Variants in NGEF observed in about 807,000 individuals in gnomAD.
NGEF encodes ephexin-1.
NGEF carries 31 observed loss-of-function variants against 80.9 expected under a neutral mutation model. That is an observed-to-expected ratio of 0.38 (90% CI 0.29 to 0.52). NGEF has a LOEUF of 0.52. Among genes scored for constraint, NGEF ranks in the 20% least tolerant of loss-of-function variants. The pLI, the probability that NGEF is intolerant of heterozygous loss-of-function variation, is 0.84. For missense variants in NGEF, 709 were observed against 926.2 expected, an observed-to-expected ratio of 0.77 and a Z score of 3.04; for synonymous variants, 371 against 370.2, an observed-to-expected ratio of 1.00 and a Z score of -0.03.
At chr2:232,886,861 T>G (rs985288019) in intron 9 of NGEF, among the ~76,000 whole-genome samples, 2 of 152,086 alleles carry the variant, frequency 1.3e-5, no homozygotes, top group Non-Finnish European at 2.9e-5. Context: ...CTTCCAGAGG[T>G]GGGCATGGGC....
Position 232,879,535 on chromosome 2 carries a change from C to T in NGEF, c.2087G>A (p.Ser696Asn). ...RVHKMDDPQR[S>N]QNKDRRKLGS... ...CAGCTTCCTGCGGTCCTTGTTCTGG[C>T]TGCGCTGAGGGTCATCCATCTTGTG... The change falls in exon 15 of 15, where the codon AGC becomes AAC. Residue 696 changes from serine to asparagine, a missense_variant. Transcript: ENST00000264051. 1 of 1,612,954 alleles carries T rather than the reference C, an allele frequency of 6.2e-7. No individual in the cohort carries two copies. Among genetic ancestry groups the T allele is most frequent in the Non-Finnish European group, 8.5e-7 (1 of 1,179,370 alleles).
At chr2:232,928,422 A>T (rs2106285695) in intron 3 of NGEF, among the ~76,000 whole-genome samples, 1 of 151,478 alleles carries the variant, frequency 6.6e-6, no homozygotes, top group Admixed American at 6.6e-5. Context: ...CCCACTCCTC[A>T]CGGCGGGGGA....
intron 1 of NGEF, among the ~76,000 whole-genome samples, chr2:232,984,759 C>G (rs1694500134): frequency 1.3e-5 from 2 of 152,076 alleles, no homozygotes; most frequent in Admixed American, 1.3e-4. Flanking sequence ...AAATTTCAGA[C>G]AATGGAACTT....
intron 2 of NGEF, among the ~76,000 whole-genome samples, chr2:232,972,744 C>CTTTTTTTT (rs61594239): frequency 2.4e-5 from 3 of 123,384 alleles, no homozygotes; most frequent in African/African-American, 2.9e-5. Flanking sequence ...TGTCCTTATC[C>CTTTTTTTT]TTTTTTTTTT....
intron 3 of NGEF, among the ~76,000 whole-genome samples, chr2:232,948,256 T>G (rs1261861631): frequency 6.6e-6 from 1 of 151,840 alleles, no homozygotes; most frequent in South Asian, 2.1e-4. Context: ...CGCGAAATGT[T>G]GGCTCACTGC....
At chr2:232,899,791 TTC>T (rs1692229554) in intron 5 of NGEF, among the ~76,000 whole-genome samples, 1 of 89,570 alleles carries the variant, frequency 1.1e-5, no homozygotes, top group Non-Finnish European at 2.2e-5. Flanking sequence ...TTCACTCACA[TTC>T]ACTCACACAC....
chr2:232,939,971 C>T (rs1365135231), intron 3 of NGEF, among the ~76,000 whole-genome samples: 1 of 151,000 alleles, frequency 6.6e-6, no homozygotes, highest in African/African-American at 2.4e-5. Flanking sequence ...CACTCCAGCC[C>T]GAGCGACAGA....
intron 3 of NGEF, among the ~76,000 whole-genome samples, chr2:232,947,592 G>A (rs901047048): frequency 6.6e-5 from 10 of 152,204 alleles, no homozygotes; most frequent in African/African-American, 2.4e-4. Context: ...CTGCTGCCAT[G>A]TGAGATGTGT....
intron 5 of NGEF, among the ~76,000 whole-genome samples, chr2:232,912,555 A>C (rs1692711116): frequency 6.6e-6 from 1 of 152,172 alleles, no homozygotes; most frequent in Non-Finnish European, 1.5e-5. Context: ...TCCTTCTTCT[A>C]TATTTTGGAA....
chr2:232,945,468 TACACAGACACAG>T lies in NGEF; in HGVS notation c.384-18294_384-18283del, dbSNP rs71296809. 1.8e-3 allele frequency among the ~76,000 whole-genome samples: 275 copies of T among 150,346 alleles called. 4 individuals are homozygous for T. In the East Asian group the frequency reaches 0.018, roughly 10 times the overall value. On this transcript the variant is annotated intron_variant, in intron 3 of 14. Transcript: ENST00000264051. ...CTTTATAAGAGGAGGGAAATTTGGA[TACACAGACACAG>T]ACACAGACACAGACACAGACACAGA...
intron 5 of NGEF, among the ~76,000 whole-genome samples, chr2:232,899,150 T>A (rs1409875705): frequency 7.7e-6 from 1 of 130,100 alleles, no homozygotes; most frequent in Non-Finnish European, 1.7e-5. Context: ...TATGAGAGTG[T>A]GTGACAGTGG....
intron 4 of NGEF, among the ~76,000 whole-genome samples, chr2:232,924,779 C>T (rs1204194687): frequency 2.0e-5 from 3 of 152,214 alleles, no homozygotes; most frequent in South Asian, 4.1e-4. Context: ...GTTAGATATT[C>T]TGTTACCTGC....
At chr2:232,963,390 A>G (rs1693991389) in intron 3 of NGEF, among the ~76,000 whole-genome samples, 2 of 152,032 alleles carry the variant, frequency 1.3e-5, no homozygotes, top group Admixed American at 1.3e-4. Flanking sequence ...TAAAACTTCT[A>G]TAAGAAAACG....
chr2:233,011,101 T>C (rs750897726), intron 1 of NGEF, among the ~76,000 whole-genome samples: 1 of 152,020 alleles, frequency 6.6e-6, no homozygotes, highest in Admixed American at 6.5e-5. Flanking sequence ...AGAGGGCTGG[T>C]GTGCTCTTTT....
intron 3 of NGEF, among the ~76,000 whole-genome samples, chr2:232,969,365 C>T (rs1694134522): frequency 6.6e-6 from 1 of 152,036 alleles, no homozygotes; most frequent in African/African-American, 2.4e-5. Flanking sequence ...TGGCCTCAGC[C>T]TCCCAAAGAG....
At chr2:233,005,515 A>T (rs1231427344) in intron 1 of NGEF, among the ~76,000 whole-genome samples, 1 of 152,224 alleles carries the variant, frequency 6.6e-6, no homozygotes, top group African/African-American at 2.4e-5. Context: ...GCATCTTGAG[A>T]TGGGGAGATT....
At chr2:232,961,282 C>T (rs186518471) in intron 3 of NGEF, among the ~76,000 whole-genome samples, 8 of 152,246 alleles carry the variant, frequency 5.3e-5, no homozygotes, top group Admixed American at 6.5e-5. Context: ...AAGTCCCTTT[C>T]GGCATTCTCT....
chr2:232,906,223 G>GC (rs1692526801), intron 5 of NGEF, among the ~76,000 whole-genome samples: 1 of 59,770 alleles, frequency 1.7e-5, no homozygotes, highest in African/African-American at 6.3e-5. Context: ...AGGTGGGGGG[G>GC]GGTCAGCCCC....
intron 3 of NGEF, among the ~76,000 whole-genome samples, chr2:232,960,018 A>T (rs1227845635): frequency 6.6e-6 from 1 of 152,220 alleles, no homozygotes; most frequent in Non-Finnish European, 1.5e-5. Context: ...TTGGCCTTGG[A>T]GGTGACTCCC....
Sources: gnomAD v4.1 joint callset for allele counts (sites outside exome capture counted in the v4.1 genomes callset) on GRCh38, gnomAD v4.1.1 for gene constraint, MANE v1.5 for transcripts, NCBI Gene and HGNC (gene_info 2026-07-23, HGNC 2026-07-21) for gene names.